GPD1: variants seen among roughly 807,000 people sequenced by gnomAD.
GPD1 encodes the protein glycerol-3-phosphate dehydrogenase 1.
In GPD1, 19 loss-of-function variants were observed where a neutral mutation model predicts 34.4. The ratio of observed to expected loss-of-function variants is 0.55; its 90% CI spans 0.39 to 0.81. The LOEUF (loss-of-function observed/expected upper bound fraction) is 0.81. Among genes scored for constraint, GPD1 ranks in the 30% least tolerant of loss-of-function variants. GPD1 has a pLI of 0.00. For synonymous variants in GPD1, 172 were observed against 174.1 expected (o/e 0.99, Z 0.09); for missense variants, 429 against 447.0 (o/e 0.96, Z 0.36).
chr12:50,109,570 C>A lies in GPD1; in HGVS notation c.*51C>A. 1.1e-6 allele frequency: 1 copy of A among 887,866 alleles called. No individual in the cohort carries two copies. Among genetic ancestry groups the A allele is most frequent in the Non-Finnish European group, 1.9e-6 (1 of 518,406 alleles). 55.0% of individuals were successfully genotyped at this position (887,866 alleles called of 1,614,324 possible). On this transcript the variant is annotated 3_prime_UTR_variant, in exon 8 of 8. Coordinates refer to ENST00000301149, the MANE Select transcript of GPD1 (RefSeq NM_005276.4). ...GCTTTTTTACCCCAGTGGAGACCAG[C>A]AGAAGCCTGGGGTACCTAGTCACCA...
At chr12:50,108,184 G>T in intron 7 of GPD1, 54 bp downstream of exon 7, 2 of 982,906 alleles carry the variant, frequency 2.0e-6, no homozygotes, top group Non-Finnish European at 1.6e-6. Context: ...AGAAGTGCTC[G>T]CCCTGTTCAT....
chr12:50,107,890 A>G (rs1950993897), intron 6 of GPD1, 90 bp downstream of exon 6: 2 of 1,081,294 alleles, frequency 1.8e-6, no homozygotes, highest in Non-Finnish European at 2.9e-6. Flanking sequence ...GAGCACAAAC[A>G]TTAAGACTGT....
In GPD1 at chr12:50,109,782, T is replaced by G. The variant is rs1192608289; in HGVS notation, c.*263T>G. On this transcript the variant is annotated 3_prime_UTR_variant, in exon 8 of 8. Transcript: ENST00000301149. ...GATGTGGGGCTTTCTCCATATCCTCTGGGAGGGGTGGAATCAAGCCCCAGT... is the reference window on the plus strand; with the variant it reads ...GATGTGGGGCTTTCTCCATATCCTCGGGGAGGGGTGGAATCAAGCCCCAGT... 1 of 440,104 alleles carries G rather than the reference T, an allele frequency of 2.3e-6. No homozygotes were observed. The highest frequency in any genetic ancestry group is 4.2e-6 in the Non-Finnish European group (1 of 237,528). The allele number at this position is 440,104 out of a possible 1,614,324, so 27.3% of individuals were successfully genotyped here.
At chr12:50,104,189 T>G (rs1248647426) in intron 1 of GPD1, 98 bp downstream of exon 1, 13 of 1,123,876 alleles carry the variant, frequency 1.2e-5, no homozygotes, top group Non-Finnish European at 1.8e-5. Context: ...CAGGTTCCTG[T>G]TCAGCCCCTG....
At chr12:50,105,061 A>C in intron 2 of GPD1, 1 of 377,502 alleles carries the variant, frequency 2.6e-6, no homozygotes, top group Non-Finnish European at 4.8e-6. Context: ...CCTGTTACTC[A>C]TTCACTGAGT....
rs147914698 is a variant in GPD1 at position 50,105,564 on chromosome 12, T to G, written c.236T>G (p.Val79Gly). 312 of 1,613,202 alleles carry G rather than the reference T, an allele frequency of 1.9e-4. No homozygotes were observed. In the African/African-American group the frequency reaches 3.9e-3, roughly 20 times the overall value. Residue 79 changes from valine (V) to glycine (G), a missense_variant, in exon 3 of 8, where the codon GTG (valine) becomes GGG (glycine). Transcript: ENST00000301149. Reference sequence around the variant, plus strand: ...CCCCCACAGGTGGCTGTCCCAGATGTGGTCCAGGCTGCAGAGGATGCTGAC... The same window carrying G: ...CCCCCACAGGTGGCTGTCCCAGATGGGGTCCAGGCTGCAGAGGATGCTGAC... ...LPPNVVAVPD[V>G]VQAAEDADIL...
At chr12:50,105,022 G>A (rs890605511) in intron 2 of GPD1, 2 of 483,554 alleles carry the variant, frequency 4.1e-6, no homozygotes, top group African/African-American at 3.9e-5. Flanking sequence ...CAGACTTGGG[G>A]TCCAGTAGTG....
At position 50,106,722 on chromosome 12, in the gene GPD1, C is replaced by G. The variant is rs139082561; in HGVS notation, c.500-83C>G. 6.1e-4 allele frequency: 493 copies of G among 813,812 alleles called. 3 individuals are homozygous for G. In the African/African-American group the frequency reaches 7.6e-3, roughly 13 times the overall value. 50.4% of individuals were successfully genotyped at this position (813,812 alleles called of 1,614,324 possible). ...AGGAGTTTGAGTCCAGCCTGGGCAA[C>G]AGAGAGAGACTCCCATCTCTATAAA... is the stretch of plus-strand genomic sequence containing the variant. On this transcript the variant is annotated intron_variant, in intron 4 of 7. Transcript: ENST00000301149.
At position 50,110,935 on chromosome 12, in the gene GPD1, A is replaced by C. The variant is rs1427621224; in HGVS notation, c.*1416A>C. 6.5e-6 allele frequency: 1 copy of C among 152,754 alleles called. No homozygotes were observed. The highest frequency in any genetic ancestry group is 1.5e-5 in the Non-Finnish European group (1 of 68,124). 9.5% of individuals were successfully genotyped at this position (152,754 alleles called of 1,614,324 possible). On this transcript the variant is annotated 3_prime_UTR_variant, in exon 8 of 8. Transcript: ENST00000301149. ...GGGCCCGAGAGGCTCCCGCCCGTCC[A>C]GCAGGGCTGTCAGCTTCCTGTGTGG...
intron 2 of GPD1, 71 bp downstream of exon 2, chr12:50,104,822 A>G: frequency 4.5e-6 from 6 of 1,329,238 alleles, no homozygotes; most frequent in Non-Finnish European, 6.4e-6. Flanking sequence ...ACCTTACTCA[A>G]CAGGTGCCTC....
chr12:50,105,748 G>T, intron 3 of GPD1, 60 bp downstream of exon 3: 1 of 1,552,758 alleles, frequency 6.4e-7, no homozygotes, highest in South Asian at 1.1e-5. Flanking sequence ...TGGGGTTCAG[G>T]GTGGGTGAAG....
rs1373965524 is a variant in GPD1 at position 50,107,981 on chromosome 12, C to T, written c.847-43C>T. 22 of 1,316,912 alleles carry T rather than the reference C, an allele frequency of 1.7e-5. No individual in the cohort carries two copies. The East Asian group carries it at 5.1e-4, about 31-fold the overall frequency. 81.6% of individuals were successfully genotyped at this position (1,316,912 alleles called of 1,614,324 possible). A position where few individuals can be genotyped will look rare whatever the true frequency, so the allele number is the denominator to read the frequency against. ...AGTCTCTCCACCCCCTACTGACAAC[C>T]CTTCTCTCCCATTTCCATCCACTCA... On this transcript the variant is annotated intron_variant, in intron 6 of 7. Transcript: ENST00000301149.
rs1030624180 is a variant in GPD1 at position 50,104,395 on chromosome 12, A to C, written c.42-179A>C. ...CTAGTAGCAAAGGGTGAGGAGACTGAGTCTCCTTTCTACTGCCAGGTCACT... is the reference window on the plus strand; with the variant it reads ...CTAGTAGCAAAGGGTGAGGAGACTGCGTCTCCTTTCTACTGCCAGGTCACT... On this transcript the variant is annotated intron_variant, in intron 1 of 7. Coordinates refer to ENST00000301149, the MANE Select transcript of GPD1 (RefSeq NM_005276.4). The C allele has an allele frequency of 2.5e-5, 18 of 714,368 alleles. No homozygotes were observed. In the African/African-American group the frequency reaches 3.0e-4, roughly 12 times the overall value. 44.3% of individuals were successfully genotyped at this position (714,368 alleles called of 1,614,324 possible).
At position 50,109,486 on chromosome 12, in the gene GPD1, C is replaced by T. The variant is rs836180; in HGVS notation, c.1017C>T (p.Ile339=). The T allele has an allele frequency of 0.34, 536,636 of 1,578,620 alleles. 97,262 individuals are homozygous for T. Among genetic ancestry groups the T allele is most frequent in the Middle Eastern group, 0.4 (2,402 of 5,980 alleles). The part of the protein sequence containing the change: ...CYEGQPVGEF[I]HCLQNHPEHM ...AGGGCCAGCCAGTGGGTGAATTCAT[C>T]CACTGCCTGCAGAATCATCCAGAAC... The change falls in exon 8 of 8, where the codon ATC becomes ATT. Residue 339 remains isoleucine, a synonymous_variant. Coordinates refer to ENST00000301149, the MANE Select transcript of GPD1 (RefSeq NM_005276.4).
At position 50,105,654 on chromosome 12, in the gene GPD1, T is replaced by C; in HGVS notation, c.326T>C (p.Leu109Pro). 6.2e-7 allele frequency: 1 copy of C among 1,614,180 alleles called. No homozygotes were observed. Among genetic ancestry groups the C allele is most frequent in the Non-Finnish European group, 8.5e-7 (1 of 1,180,010 alleles). The change falls in exon 3 of 8, where the codon CTG (leucine) becomes CCG (proline). Residue 109 changes from leucine to proline, a missense_variant. Leu to Pro is a moderately conservative substitution (Grantham distance 98). Transcript: ENST00000301149. ...GKICDQLKGH[L>P]KANATGISLI... ...ATCTGTGACCAGCTCAAGGGCCATC[T>C]GAAGGCAAACGCCACTGGCATATCT...
At chr12:50,104,852 A>G in intron 2 of GPD1, 101 bp downstream of exon 2, 1 of 899,506 alleles carries the variant, frequency 1.1e-6, no homozygotes, top group Non-Finnish European at 1.8e-6. Context: ...GGGCCGCTTC[A>G]GGTGCAGCAG....
intron 1 of GPD1, 32 bp from the exon 2 acceptor site, chr12:50,104,542 C>G: frequency 6.3e-7 from 1 of 1,577,280 alleles, no homozygotes; most frequent in Non-Finnish European, 8.7e-7. Context: ...GTTCCCTCCT[C>G]CTGTACTTTC....
At chr12:50,105,273 C>T (rs925934601) in intron 2 of GPD1, 11 of 479,708 alleles carry the variant, frequency 2.3e-5, no homozygotes, top group South Asian at 1.2e-4. Context: ...TTTGGCCTCC[C>T]GCACTGTCCC....
At chr12:50,105,905 G>T (rs1377469802) in intron 3 of GPD1, 1 of 698,690 alleles carries the variant, frequency 1.4e-6, no homozygotes, top group Non-Finnish European at 2.6e-6. Flanking sequence ...TGGTTTGGAG[G>T]TCCTCTCGGG....
Sources: allele counts gnomAD v4.1 joint callset, GRCh38; gene constraint gnomAD v4.1.1; transcripts MANE v1.5; gene names NCBI Gene and HGNC (gene_info 2026-07-23, HGNC 2026-07-21).